Variants in TPRG1L observed in about 807,000 individuals in gnomAD.
TPRG1L encodes the protein tumor protein p63 regulated 1 like.
A neutral mutation model predicts 29.4 loss-of-function variants in TPRG1L; 25 were observed. The ratio of observed to expected loss-of-function variants is 0.85; its 90% CI spans 0.62 to 1.19. The LOEUF is 1.19. TPRG1L is among the 50% of genes most tolerant of loss of function. The pLI is 0.00. For missense variants in TPRG1L, 354 were observed against 364.4 expected (o/e 0.97, Z 0.23); for synonymous variants, 182 against 151.1 (o/e 1.20, Z -1.50).
In TPRG1L at chr1:3,625,831, A is replaced by C; in HGVS notation, c.412A>C (p.Asn138His). ...CCAGCAGGTGGTGCGGATAGCGCTC[A>C]ACGCAGTAGACACCATTTCCTACGG... ...QCQQVVRIAL[N>H]AVDTISYGEF... The change falls in exon 3 of 5, where the codon AAC becomes CAC. Residue 138 changes from asparagine to histidine, a missense_variant. Transcript: ENST00000378344. 6.2e-7 allele frequency: 1 copy of C among 1,613,450 alleles called. No individual in the cohort carries two copies. The highest frequency in any genetic ancestry group is 2.2e-5 in the East Asian group (1 of 44,886).
chr1:3,628,397 C>T lies in TPRG1L; in HGVS notation c.625-12C>T. The T allele has an allele frequency of 6.3e-7, 1 of 1,575,460 alleles. No homozygotes were observed. Among genetic ancestry groups the T allele is most frequent in the Non-Finnish European group, 8.6e-7 (1 of 1,157,584 alleles). On this transcript the variant is annotated splice_polypyrimidine_tract_variant and intron_variant, in intron 4 of 4. Coordinates refer to ENST00000378344, the MANE Select transcript of TPRG1L (RefSeq NM_182752.4). Reference sequence around the variant, plus strand: ...CTGACAGTTAAAGCTCCATGTTTTTCTCTCTTTAAAGTTGGAAAGCTTCAA... The same window carrying T: ...CTGACAGTTAAAGCTCCATGTTTTTTTCTCTTTAAAGTTGGAAAGCTTCAA...
In TPRG1L at chr1:3,627,684, C is replaced by A. The variant is rs370492915; in HGVS notation, c.624+31C>A. 2.3e-5 allele frequency: 37 copies of A among 1,610,744 alleles called. No individual in the cohort carries two copies. The African/African-American group carries it at 4.5e-4, about 20-fold the overall frequency. ...AAGACAGGCACATAAATAGCCGCGC[C>A]CCCCGCAGTGATGGAAACACCCCCC... is the stretch of plus-strand genomic sequence containing the variant. On this transcript the variant is annotated intron_variant, in intron 4 of 4. Transcript: ENST00000378344.
At position 3,625,497 on chromosome 1, in the gene TPRG1L, G is replaced by C; in HGVS notation, c.275G>C (p.Gly92Ala). 6.2e-7 allele frequency: 1 copy of C among 1,606,062 alleles called. No individual in the cohort carries two copies. Among genetic ancestry groups the C allele is most frequent in the Non-Finnish European group, 8.5e-7 (1 of 1,177,452 alleles). ...VRPVEDGEIQ[G>A]VWLLTEVDHW... ...CCCGTGGAGGACGGCGAGATCCAGG[G>C]AGTGTGGCTGCTTACCGAGTAAGCC... Residue 92 changes from glycine to alanine, a missense_variant, in exon 2 of 5, where the codon GGA (glycine) becomes GCA (alanine). Gly to Ala is a moderately conservative substitution (Grantham distance 60, BLOSUM62 0). Coordinates refer to ENST00000378344, the MANE Select transcript of TPRG1L (RefSeq NM_182752.4).
In TPRG1L at chr1:3,625,803, G is replaced by C. The variant is rs185136499; in HGVS notation, c.384G>C (p.Gln128His). Residue 128 changes from glutamine to histidine, a missense_variant, in exon 3 of 5, where the codon CAG (glutamine) becomes CAC (histidine). Gln to His is a conservative substitution (Grantham distance 24). Coordinates refer to ENST00000378344, the MANE Select transcript of TPRG1L (RefSeq NM_182752.4). ...GTAAATACGACTTCATCAGTCTCCAGTGCCAGCAGGTGGTGCGGATAGCGC... is the reference window on the plus strand; with the variant it reads ...GTAAATACGACTTCATCAGTCTCCACTGCCAGCAGGTGGTGCGGATAGCGC... ...LICKYDFISL[Q>H]CQQVVRIALN... 7 of 1,613,818 alleles carry C rather than the reference G, an allele frequency of 4.3e-6. No individual in the cohort carries two copies. Among genetic ancestry groups the C allele is most frequent in the Non-Finnish European group, 5.9e-6 (7 of 1,180,026 alleles).
rs1316751241 is a variant in TPRG1L at position 3,625,895 on chromosome 1, C to T, written c.470+6C>T. ...CCCCCTAAATCGCTCAACAAGTAAGCCTGTTCAGAGTCCAGTATCACTGGA... is the reference window on the plus strand; with the variant it reads ...CCCCCTAAATCGCTCAACAAGTAAGTCTGTTCAGAGTCCAGTATCACTGGA... On this transcript the variant is annotated splice_donor_region_variant and intron_variant, in intron 3 of 4. Coordinates refer to ENST00000378344, the MANE Select transcript of TPRG1L (RefSeq NM_182752.4). 1.9e-6 allele frequency: 3 copies of T among 1,607,392 alleles called. No individual in the cohort carries two copies. The highest frequency in any genetic ancestry group is 1.3e-5 in the African/African-American group (1 of 74,840).
intron 4 of TPRG1L, among the ~76,000 whole-genome samples, chr1:3,627,971 C>T (rs1423986299): frequency 3.3e-5 from 5 of 152,248 alleles, no homozygotes; most frequent in Non-Finnish European, 7.3e-5. Context: ...GCAGCAGACC[C>T]AGCCGTGCCA....
intron 4 of TPRG1L, 38 bp from the exon 5 acceptor site, chr1:3,628,371 C>T (rs1303923722): frequency 8.5e-6 from 13 of 1,523,658 alleles, no homozygotes; most frequent in Admixed American, 2.0e-5. Flanking sequence ...TCTTATCTTG[C>T]CTGACAGTTA....
At chr1:3,626,820 C>T (rs1175346269) in intron 3 of TPRG1L, among the ~76,000 whole-genome samples, 1 of 152,060 alleles carries the variant, frequency 6.6e-6, no homozygotes, top group African/African-American at 2.4e-5. Context: ...CTCAAGAGAT[C>T]CGCCCATTTT....
At chr1:3,625,646 G>T in intron 2 of TPRG1L, 67 bp from the exon 3 acceptor site, 3 of 1,575,404 alleles carry the variant, frequency 1.9e-6, no homozygotes, top group South Asian at 2.4e-5. Flanking sequence ...CCTTCCAGGC[G>T]GGCTGGCCTT....
intron 3 of TPRG1L, among the ~76,000 whole-genome samples, chr1:3,626,395 G>T (rs969477220): frequency 3.9e-5 from 6 of 152,196 alleles, no homozygotes; most frequent in Non-Finnish European, 5.9e-5. Context: ...TTTCTGACGT[G>T]AGGAACCTAA....
intron 1 of TPRG1L, 50 bp downstream of exon 1, chr1:3,625,323 T>A: frequency 6.8e-7 from 1 of 1,466,464 alleles, no homozygotes; most frequent in African/African-American, 1.5e-5. Context: ...CGGGGCGGGA[T>A]GGGGGCGGGT....
chr1:3,627,625 C>T lies in TPRG1L; in HGVS notation c.596C>T (p.Ala199Val). Reference protein sequence around the residue: ...ATFTEHPMAGADEKTASLCQL... With the variant: ...ATFTEHPMAGVDEKTASLCQL... Reference sequence around the variant, plus strand: ...TTCACAGAACACCCGATGGCTGGCGCAGATGAGAAGACAGCATCTCTGTGT... The same window carrying T: ...TTCACAGAACACCCGATGGCTGGCGTAGATGAGAAGACAGCATCTCTGTGT... Residue 199 changes from alanine (A) to valine (V), a missense_variant, in exon 4 of 5, where the codon GCA becomes GTA. Ala to Val is a moderately conservative substitution (Grantham distance 64). Coordinates refer to ENST00000378344, the MANE Select transcript of TPRG1L (RefSeq NM_182752.4). The T allele has an allele frequency of 6.2e-7, 1 of 1,613,988 alleles. No homozygotes were observed. The highest frequency in any genetic ancestry group is 8.5e-7 in the Non-Finnish European group (1 of 1,180,032).
intron 2 of TPRG1L, 63 bp downstream of exon 2, chr1:3,625,578 G>T: frequency 6.4e-7 from 1 of 1,571,760 alleles, no homozygotes; most frequent in Non-Finnish European, 8.6e-7. Flanking sequence ...GCAGCACCTT[G>T]CGAGGACTTC....
intron 4 of TPRG1L, among the ~76,000 whole-genome samples, 199 bp downstream of exon 4, chr1:3,627,852 G>A (rs1644500651): frequency 6.6e-6 from 1 of 152,224 alleles, no homozygotes; most frequent in Non-Finnish European, 1.5e-5. Flanking sequence ...GTTAATTTAT[G>A]TTAAAGTAGC....
At chr1:3,627,764 G>A (rs141029011) in intron 4 of TPRG1L, 111 bp downstream of exon 4, 60 of 1,382,592 alleles carry the variant, frequency 4.3e-5, no homozygotes, top group Admixed American at 5.9e-5. Flanking sequence ...CGGAGCTGCC[G>A]AGCACTTGAG....
In TPRG1L at chr1:3,625,385, T is replaced by G. The variant is rs1174022682; in HGVS notation, c.202-39T>G. The stretch of plus-strand genomic sequence containing the variant: ...CCCGCAGGGAGCGAGCTGTGACCTG[T>G]GATCTTTGCCCCCGTCCCCCACCCC... On this transcript the variant is annotated intron_variant, in intron 1 of 4. Coordinates refer to ENST00000378344, the MANE Select transcript of TPRG1L (RefSeq NM_182752.4). The G allele has an allele frequency of 2.6e-6, 4 of 1,553,088 alleles. No homozygotes were observed. The East Asian group carries it at 9.5e-5, about 37-fold the overall frequency.
Position 3,625,026 on chromosome 1 carries a change from C to T in TPRG1L, c.-47C>T, listed in dbSNP as rs953433013. 51 of 1,183,668 alleles carry T rather than the reference C, an allele frequency of 4.3e-5. No homozygotes were observed. Among genetic ancestry groups the T allele is most frequent in the Non-Finnish European group, 4.8e-5 (46 of 949,116 alleles). The allele number at this position is 1,183,668 out of a possible 1,614,324, so 73.3% of individuals were successfully genotyped here. A position where few individuals can be genotyped will look rare whatever the true frequency, so the allele number is the denominator to read the frequency against. On this transcript the variant is annotated 5_prime_UTR_variant, in exon 1 of 5. It adds an upstream start codon to the 5' untranslated region. Transcript: ENST00000378344. ...CGGGTGGTGGCGGTGGCTGCGGCGA[C>T]GGCGGTCGCGTCGGCGTCAGGGTCG...
chr1:3,626,585 C>CT (rs112397153), intron 3 of TPRG1L, among the ~76,000 whole-genome samples: 10,724 of 137,948 alleles, frequency 0.078, 554 homozygotes, highest in Admixed American at 0.14. Flanking sequence ...TAATTATTCC[C>CT]TTTTTTTTTT....
rs757872576 is a variant in TPRG1L at position 3,625,774 on chromosome 1, A to G, written c.355A>G (p.Ile119Val). ...GCTGGTCACGGAGCAGTCCCTGCTT[A>G]TCTGTAAATACGACTTCATCAGTCT... is the stretch of plus-strand genomic sequence containing the variant. ...LVLVTEQSLLICKYDFISLQC... is the reference protein window; with the variant it reads ...LVLVTEQSLLVCKYDFISLQC... Residue 119 changes from isoleucine (I) to valine (V), a missense_variant, in exon 3 of 5, where the codon ATC becomes GTC. Transcript: ENST00000378344. 1.2e-6 allele frequency: 2 copies of G among 1,613,720 alleles called. No homozygotes were observed. Among genetic ancestry groups the G allele is most frequent in the Admixed American group, 1.7e-5 (1 of 60,034 alleles).
Sources: gnomAD v4.1 joint callset for allele counts (sites outside exome capture counted in the v4.1 genomes callset) on GRCh38, gnomAD v4.1.1 for gene constraint, MANE v1.5 for transcripts, NCBI Gene and HGNC (gene_info 2026-07-23, HGNC 2026-07-21) for gene names.